The following PDE1A variants were observed in gnomAD, a reference collection of about 807,000 sequenced individuals.
The protein encoded by PDE1A is phosphodiesterase 1A.
A neutral mutation model predicts 61.7 loss-of-function variants in PDE1A; 35 were observed. The observed-to-expected ratio is 0.57, with a 90% CI of 0.43 to 0.75. The LOEUF (loss-of-function observed/expected upper bound fraction) is 0.75, where lower values mean the gene tolerates loss of function less well. PDE1A is among the 30% of genes least tolerant of loss of function. The pLI is 0.00. For synonymous variants in PDE1A, 232 were observed against 213.2 expected (o/e 1.09, Z -0.77); for missense variants, 597 against 630.6 (o/e 0.95, Z 0.57).
At chr2:182,672,937 C>T in the PDE1A span, among the ~76,000 whole-genome samples, 1 of 152,196 alleles carries the variant, frequency 6.6e-6, no homozygotes, top group Non-Finnish European at 1.5e-5. Context: ...GCACCATCCT[C>T]GTCATATTCT....
chr2:182,498,564 A>C (rs1317550378), intron 2 of PDE1A, among the ~76,000 whole-genome samples: 1 of 152,194 alleles, frequency 6.6e-6, no homozygotes. Flanking sequence ...AAAAAAATGA[A>C]ATATTCTCCA....
At chr2:182,159,014 CA>C (rs1691241574) in intron 13 of PDE1A, among the ~76,000 whole-genome samples, 1 of 152,122 alleles carries the variant, frequency 6.6e-6, no homozygotes, top group Non-Finnish European at 1.5e-5. Flanking sequence ...GTATAAATAG[CA>C]GTCCTAGAAG....
At chr2:182,496,051 A>G (rs906303761) in intron 2 of PDE1A, among the ~76,000 whole-genome samples, 2 of 152,186 alleles carry the variant, frequency 1.3e-5, no homozygotes, top group Non-Finnish European at 2.9e-5. Context: ...TATCTTCCAA[A>G]TTTTATAATG....
At chr2:182,195,975 A>G (rs1224726292) in intron 10 of PDE1A, among the ~76,000 whole-genome samples, 1 of 152,098 alleles carries the variant, frequency 6.6e-6, no homozygotes, top group Non-Finnish European at 1.5e-5. Flanking sequence ...TTGCTTATTT[A>G]CCTCCAAAGG....
chr2:182,231,591 C>CA (rs11414637), intron 4 of PDE1A, among the ~76,000 whole-genome samples: 109,373 of 151,920 alleles, frequency 0.72, 39,942 homozygotes, highest in African/African-American at 0.85. Flanking sequence ...TGCAGTTTGG[C>CA]TAAAGTTTTG....
chr2:182,188,295 C>A (rs563672857), intron 11 of PDE1A, among the ~76,000 whole-genome samples: 2 of 152,308 alleles, frequency 1.3e-5, no homozygotes, highest in Non-Finnish European at 2.9e-5. Flanking sequence ...CTTTCCCCAA[C>A]GCTTTGTGAT....
chr2:182,463,672 G>A (rs980582087), intron 2 of PDE1A: 1 of 152,096 alleles, frequency 6.6e-6, no homozygotes, highest in Admixed American at 6.5e-5. Flanking sequence ...ACGAGAGGAA[G>A]AACAAGTACA....
chr2:182,344,165 C>G (rs1377991588), intron 1 of PDE1A, among the ~76,000 whole-genome samples: 1 of 152,030 alleles, frequency 6.6e-6, no homozygotes, highest in Non-Finnish European at 1.5e-5. Context: ...AGAAATGAAG[C>G]CTGGCCTTTT....
chr2:182,698,672 G>C, the PDE1A span, among the ~76,000 whole-genome samples: 128 of 152,244 alleles, frequency 8.4e-4, no homozygotes, highest in African/African-American at 2.9e-3. Context: ...AATTATATTA[G>C]CGTGGCAAAT....
At chr2:182,681,474 G>A in the PDE1A span, among the ~76,000 whole-genome samples, 1 of 148,726 alleles carries the variant, frequency 6.7e-6, no homozygotes, top group Non-Finnish European at 1.5e-5. Context: ...TACCTATCTG[G>A]AAATTCTTTC....
chr2:182,248,473 A>G (rs1835881), intron 2 of PDE1A, among the ~76,000 whole-genome samples: 109,230 of 151,958 alleles, frequency 0.72, 39,838 homozygotes, highest in African/African-American at 0.85. Context: ...AACTGTGAAA[A>G]CTGACCCTGC....
At chr2:182,424,660 A>G in intron 1 of PDE1A, among the ~76,000 whole-genome samples, 1 of 152,210 alleles carries the variant, frequency 6.6e-6, no homozygotes, top group Admixed American at 6.5e-5. Flanking sequence ...AGCTATCGGG[A>G]AGTCTGTGTT....
chr2:182,466,498 A>G (rs1559489186), intron 2 of PDE1A, among the ~76,000 whole-genome samples: 1 of 152,070 alleles, frequency 6.6e-6, no homozygotes, highest in Non-Finnish European at 1.5e-5. Context: ...GGTCCTACAA[A>G]TGTGAAGGTA....
chr2:182,364,488 A>AAAACAAACAACAAC (rs1553602129), intron 1 of PDE1A, among the ~76,000 whole-genome samples: 4 of 145,164 alleles, frequency 2.8e-5, no homozygotes, highest in African/African-American at 1.0e-4. Context: ...AAAAAAAAAA[A>AAAACAAACAACAAC]AAAAAAAAAA....
chr2:182,450,106 T>C (rs1685412855), intron 2 of PDE1A, among the ~76,000 whole-genome samples: 1 of 152,088 alleles, frequency 6.6e-6, no homozygotes, highest in Non-Finnish European at 1.5e-5. Flanking sequence ...ACACAGTAAA[T>C]GGCACTCAAT....
the PDE1A span, among the ~76,000 whole-genome samples, chr2:182,600,041 T>A: frequency 6.6e-6 from 1 of 152,156 alleles, no homozygotes; most frequent in African/African-American, 2.4e-5. Context: ...GAAAAATAAA[T>A]CCTTAAGTAA....
intron 13 of PDE1A, among the ~76,000 whole-genome samples, chr2:182,173,389 G>A (rs79743666): frequency 2.0e-5 from 3 of 151,938 alleles, no homozygotes; most frequent in Admixed American, 6.6e-5. Context: ...AGGGTTAAGT[G>A]ACTCTGAATA....
chr2:182,684,380 G>C, the PDE1A span, among the ~76,000 whole-genome samples: 1 of 151,824 alleles, frequency 6.6e-6, no homozygotes, highest in Admixed American at 6.6e-5. Context: ...GAAAAAATAA[G>C]CTACATAAAT....
At chr2:182,677,168 A>G in the PDE1A span, among the ~76,000 whole-genome samples, 1 of 152,212 alleles carries the variant, frequency 6.6e-6, no homozygotes. Context: ...AAAACCCCAT[A>G]GTCTTGGCCA....
Sources: allele counts gnomAD v4.1 joint callset (sites outside exome capture counted in the v4.1 genomes callset), GRCh38; gene constraint gnomAD v4.1.1; transcripts MANE v1.5; gene names NCBI Gene and HGNC (gene_info 2026-07-23, HGNC 2026-07-21).